TNNI3K: variants seen among roughly 807,000 people sequenced by gnomAD.
TNNI3K encodes the protein TNNI3 interacting kinase.
In TNNI3K, 140 loss-of-function variants were observed where a neutral mutation model predicts 114.5. The observed-to-expected ratio is 1.22, with a 90% CI of 1.07 to 1.41. The LOEUF is 1.41. Among genes scored for constraint, TNNI3K ranks in the 40% most tolerant of loss-of-function variants. The pLI, the probability that TNNI3K is intolerant of heterozygous loss-of-function variation, is 0.00. For synonymous variants in TNNI3K, 347 were observed against 347.5 expected (o/e 1.00, Z 0.02); for missense variants, 1,125 against 1,007.6 (o/e 1.12, Z -1.58).
chr1:74,473,652 A>C (rs756823746), intron 21 of TNNI3K, among the ~76,000 whole-genome samples: 3 of 152,038 alleles, frequency 2.0e-5, no homozygotes, highest in Non-Finnish European at 2.9e-5. Context: ...TTTCCCCAAG[A>C]GGTAAACTAA....
chr1:74,246,646 A>T (rs1255668732), intron 2 of TNNI3K, among the ~76,000 whole-genome samples: 1 of 152,204 alleles, frequency 6.6e-6, no homozygotes, highest in East Asian at 1.9e-4. Context: ...AAAACTATGT[A>T]ACCAGCAGCC....
intron 21 of TNNI3K, 141 bp downstream of exon 21, chr1:74,463,691 C>T (rs1044586801): frequency 6.9e-6 from 6 of 863,698 alleles, no homozygotes; most frequent in African/African-American, 6.8e-5. Flanking sequence ...TCTTTAGTCT[C>T]TAATTGCCTC....
At position 74,481,047 on chromosome 1, in the gene TNNI3K, A is replaced by C. The variant is rs907500935; in HGVS notation, c.2122-8142A>C. On this transcript the variant is annotated intron_variant, in intron 21 of 24. Transcript: ENST00000326637. ...GGGGTATGGTGGAGAGCAGAGAATC[A>C]ATATCCTCTGAGCAATCTTATCACC... The C allele has an allele frequency of 3.4e-5, 21 of 623,658 alleles. No homozygotes were observed. In the African/African-American group the frequency reaches 3.7e-4, roughly 11 times the overall value. The allele number at this position is 623,658 out of a possible 1,614,324, so 38.6% of individuals were successfully genotyped here.
Position 74,482,896 on chromosome 1 carries a change from GCAGTT to G in TNNI3K, c.2122-6289_2122-6285del, listed in dbSNP as rs148107703. Among the ~76,000 whole-genome samples, 584 of 152,260 alleles carry G rather than the reference GCAGTT, an allele frequency of 3.8e-3. 2 individuals carry two copies. The highest frequency in any genetic ancestry group is 0.014 in the African/African-American group (563 of 41,538). On this transcript the variant is annotated intron_variant, in intron 21 of 24. Coordinates refer to ENST00000326637, the MANE Select transcript of TNNI3K (RefSeq NM_015978.3). ...TTAATCTTACTAATGCTGAACAATTGCAGTTCAGGTTTCTGATTCATTGATATTTC... is the reference window on the plus strand; with the variant it reads ...TTAATCTTACTAATGCTGAACAATTGCAGGTTTCTGATTCATTGATATTTC...
chr1:74,500,354 A>G (rs1164151920), intron 23 of TNNI3K, among the ~76,000 whole-genome samples: 5 of 151,890 alleles, frequency 3.3e-5, no homozygotes, highest in Admixed American at 6.6e-5. Flanking sequence ...AAATTATTTA[A>G]GCCTTGGGAG....
intron 5 of TNNI3K, among the ~76,000 whole-genome samples, chr1:74,295,805 G>A (rs477481): frequency 0.15 from 23,021 of 151,858 alleles, 1,848 homozygotes; most frequent in South Asian, 0.23. Flanking sequence ...ATAATATTCC[G>A]TCTGTTTATT....
intron 5 of TNNI3K, among the ~76,000 whole-genome samples, chr1:74,286,707 A>G (rs1045078989): frequency 1.3e-5 from 2 of 151,612 alleles, no homozygotes; most frequent in South Asian, 2.1e-4. Context: ...GCAAACCCCA[A>G]TGGATAACCT....
chr1:74,327,842 T>C (rs995916675), intron 5 of TNNI3K, among the ~76,000 whole-genome samples: 5 of 150,788 alleles, frequency 3.3e-5, no homozygotes, highest in African/African-American at 1.2e-4. Context: ...TATATTAAGA[T>C]AGCTGTCATA....
chr1:74,466,604 G>T (rs1667692608), intron 21 of TNNI3K, among the ~76,000 whole-genome samples: 1 of 152,180 alleles, frequency 6.6e-6, no homozygotes, highest in Admixed American at 6.5e-5. Context: ...TATTAGGAAA[G>T]CAAAGTCTTC....
intron 23 of TNNI3K, among the ~76,000 whole-genome samples, chr1:74,521,498 TTATG>T (rs1410127080): frequency 1.3e-5 from 2 of 151,862 alleles, no homozygotes; most frequent in Admixed American, 1.3e-4. Context: ...TGTAAACGCA[TTATG>T]TATGTGTGTA....
At chr1:74,288,769 T>G (rs1020409016) in intron 5 of TNNI3K, among the ~76,000 whole-genome samples, 4 of 152,118 alleles carry the variant, frequency 2.6e-5, no homozygotes, top group African/African-American at 9.6e-5. Flanking sequence ...TCTTAAATGT[T>G]CTTACCACAA....
chr1:74,464,825 T>C, intron 21 of TNNI3K: 1 of 1,462,704 alleles, frequency 6.8e-7, no homozygotes, highest in Non-Finnish European at 9.1e-7. Flanking sequence ...GTTAGCTCCA[T>C]GAAAGCGGTC....
chr1:74,329,339 G>T (rs1226401555), intron 5 of TNNI3K, among the ~76,000 whole-genome samples: 2 of 151,972 alleles, frequency 1.3e-5, no homozygotes, highest in Non-Finnish European at 2.9e-5. Context: ...GCTCATTGTG[G>T]TTTTAATTTT....
chr1:74,257,532 A>C (rs1254790416), intron 4 of TNNI3K, among the ~76,000 whole-genome samples: 2 of 150,640 alleles, frequency 1.3e-5, no homozygotes, highest in Non-Finnish European at 3.0e-5. Context: ...AGTTTTTTTT[A>C]TGTTTGTTTT....
At chr1:74,358,354 G>A (rs925041646) in intron 11 of TNNI3K, among the ~76,000 whole-genome samples, 18 of 151,978 alleles carry the variant, frequency 1.2e-4, no homozygotes, top group African/African-American at 4.1e-4. Flanking sequence ...AAAAATCAAG[G>A]CTCCTGTACC....
intron 9 of TNNI3K, among the ~76,000 whole-genome samples, chr1:74,343,541 A>G (rs754125803): frequency 2.0e-5 from 3 of 152,200 alleles, no homozygotes; most frequent in Non-Finnish European, 2.9e-5. Flanking sequence ...TCCTCCTCCA[A>G]CAAGAATCTC....
intron 5 of TNNI3K, among the ~76,000 whole-genome samples, chr1:74,306,337 A>G (rs998293119): frequency 3.9e-5 from 6 of 152,228 alleles, no homozygotes; most frequent in African/African-American, 1.4e-4. Context: ...TATGATAAAC[A>G]TATGAGTGCA....
intron 17 of TNNI3K, among the ~76,000 whole-genome samples, chr1:74,393,669 T>C (rs539698051): frequency 6.6e-6 from 1 of 152,296 alleles, no homozygotes; most frequent in Non-Finnish European, 1.5e-5. Context: ...ACCCAAACTT[T>C]TTGGCACCAG....
At chr1:74,431,380 T>C (rs1665889967) in intron 17 of TNNI3K, among the ~76,000 whole-genome samples, 1 of 152,118 alleles carries the variant, frequency 6.6e-6, no homozygotes, top group Non-Finnish European at 1.5e-5. Flanking sequence ...TATATTATTT[T>C]CTAGGTATCT....
Sources: gnomAD v4.1 joint callset for allele counts (sites outside exome capture counted in the v4.1 genomes callset) on GRCh38, gnomAD v4.1.1 for gene constraint, MANE v1.5 for transcripts, NCBI Gene and HGNC (gene_info 2026-07-23, HGNC 2026-07-21) for gene names.